Variants in TBCK observed in about 807,000 individuals in gnomAD.
The protein encoded by TBCK is TBC1 domain containing kinase.
Under a neutral mutation model 113.4 loss-of-function variants are expected in TBCK, and 99 were observed. The ratio of observed to expected loss-of-function variants is 0.87; its 90% CI spans 0.74 to 1.03. TBCK has a LOEUF of 1.03. Ranked by LOEUF, TBCK falls within the 50% of genes least tolerant of loss-of-function variation. The pLI, the probability that TBCK is intolerant of heterozygous loss-of-function variation, is 0.00. For missense variants in TBCK, 1,045 were observed against 1,061.3 expected, an observed-to-expected ratio of 0.98 and a Z score of 0.21; for synonymous variants, 369 against 370.8, an observed-to-expected ratio of 1.00 and a Z score of 0.05.
intron 3 of TBCK, among the ~76,000 whole-genome samples, chr4:106,275,473 G>T (rs1184974228): frequency 6.6e-6 from 1 of 152,002 alleles, no homozygotes; most frequent in Non-Finnish European, 1.5e-5. Flanking sequence ...GGTTAAAAAA[G>T]AAGTTGTAAA....
intron 23 of TBCK, among the ~76,000 whole-genome samples, chr4:106,154,063 G>C (rs188740188): frequency 6.6e-5 from 10 of 151,924 alleles, no homozygotes; most frequent in Non-Finnish European, 1.2e-4. Flanking sequence ...TTTACTTTCA[G>C]TATTATTGAT....
At chr4:106,314,548 A>C (rs937392556) in intron 1 of TBCK, among the ~76,000 whole-genome samples, 3 of 151,972 alleles carry the variant, frequency 2.0e-5, no homozygotes, top group Non-Finnish European at 4.4e-5. Flanking sequence ...TTTGAAGAAC[A>C]GTACTGAGAG....
intron 23 of TBCK, among the ~76,000 whole-genome samples, chr4:106,127,028 T>C (rs969024356): frequency 6.6e-6 from 1 of 151,728 alleles, no homozygotes; most frequent in Non-Finnish European, 1.5e-5. Context: ...GCCAACGTGG[T>C]GAAACCCCAT....
chr4:106,118,158 AG>A (rs1268101743), intron 23 of TBCK, among the ~76,000 whole-genome samples: 1 of 152,138 alleles, frequency 6.6e-6, no homozygotes, highest in Non-Finnish European at 1.5e-5. Context: ...CTTTTTTCTC[AG>A]TTACATTGTG....
intron 23 of TBCK, among the ~76,000 whole-genome samples, chr4:106,139,239 A>G (rs551159989): frequency 1.4e-5 from 2 of 141,492 alleles, no homozygotes; most frequent in African/African-American, 5.0e-5. Context: ...GAAAGTCTGG[A>G]GATCTGCCTC....
At chr4:106,150,795 A>C (rs576898669) in intron 23 of TBCK, among the ~76,000 whole-genome samples, 1 of 152,218 alleles carries the variant, frequency 6.6e-6, no homozygotes, top group East Asian at 1.9e-4. Flanking sequence ...TTGATGAATA[A>C]GGAACTGTGA....
intron 25 of TBCK, among the ~76,000 whole-genome samples, chr4:106,050,867 AT>A (rs1290445503): frequency 3.3e-5 from 5 of 151,932 alleles, no homozygotes; most frequent in Non-Finnish European, 7.4e-5. Context: ...AAGCTTTTGT[AT>A]TTTCACAGTT....
intron 1 of TBCK, among the ~76,000 whole-genome samples, chr4:106,313,536 A>G (rs1000180250): frequency 4.6e-5 from 7 of 152,234 alleles, no homozygotes; most frequent in Non-Finnish European, 8.8e-5. Context: ...GCCTTTTGTG[A>G]GCAAGTTTCC....
chr4:106,056,399 C>T (rs1487033371), intron 25 of TBCK, among the ~76,000 whole-genome samples: 2 of 151,056 alleles, frequency 1.3e-5, no homozygotes, highest in Non-Finnish European at 3.0e-5. Context: ...GCCACCACAC[C>T]CAGCCAAGTT....
intron 23 of TBCK, among the ~76,000 whole-genome samples, chr4:106,164,929 A>G (rs1750195743): frequency 2.0e-5 from 3 of 151,788 alleles, no homozygotes; most frequent in Admixed American, 2.0e-4. Context: ...GTAATGCAAT[A>G]AATGCTATCA....
At chr4:106,123,007 T>C (rs1744645503) in intron 23 of TBCK, among the ~76,000 whole-genome samples, 2 of 152,188 alleles carry the variant, frequency 1.3e-5, no homozygotes, top group Non-Finnish European at 2.9e-5. Flanking sequence ...TTCAACATAG[T>C]GTTGGAAGTT....
At chr4:106,054,517 A>G (rs937766028) in intron 25 of TBCK, among the ~76,000 whole-genome samples, 1 of 151,654 alleles carries the variant, frequency 6.6e-6, no homozygotes, top group Non-Finnish European at 1.5e-5. Context: ...ATCATTTATA[A>G]CCACTTTATA....
In TBCK at chr4:106,250,401, A is replaced by G. The variant is rs1268139860; in HGVS notation, c.658+17T>C. 2.7e-6 allele frequency: 4 copies of G among 1,492,914 alleles called. No individual in the cohort carries two copies. Among genetic ancestry groups the G allele is most frequent in the Non-Finnish European group, 3.7e-6 (4 of 1,086,306 alleles). The allele number at this position is 1,492,914 out of a possible 1,614,324, so 92.5% of individuals were successfully genotyped here. On this transcript the variant is annotated intron_variant, in intron 7 of 25. Coordinates refer to ENST00000394708, the MANE Select transcript of TBCK (RefSeq NM_001163435.3). Reference sequence around the variant, plus strand: ...TTATATTTATATTTGAAAGATAAGCAATTGTACGACACTTACCCAAAGTAA... The same window carrying G: ...TTATATTTATATTTGAAAGATAAGCGATTGTACGACACTTACCCAAAGTAA...
intron 3 of TBCK, among the ~76,000 whole-genome samples, chr4:106,263,627 A>G (rs1413391302): frequency 6.6e-6 from 1 of 151,922 alleles, no homozygotes; most frequent in Admixed American, 6.6e-5. Flanking sequence ...TTTACATAAA[A>G]CAGGGTAAAT....
intron 25 of TBCK, among the ~76,000 whole-genome samples, chr4:106,060,764 T>C (rs1735948055): frequency 6.6e-6 from 1 of 151,770 alleles, no homozygotes; most frequent in African/African-American, 2.4e-5. Flanking sequence ...CAAAATAAAT[T>C]GAAATCCTCT....
intron 24 of TBCK, among the ~76,000 whole-genome samples, chr4:106,111,715 A>G (rs1232729273): frequency 6.6e-6 from 1 of 152,248 alleles, no homozygotes; most frequent in African/African-American, 2.4e-5. Context: ...TTAATCATAG[A>G]ACCTGGAAAA....
chr4:106,098,524 G>A (rs1741188307), intron 24 of TBCK, among the ~76,000 whole-genome samples: 1 of 151,968 alleles, frequency 6.6e-6, no homozygotes, highest in Non-Finnish European at 1.5e-5. Context: ...TTAACTTCCA[G>A]TGTTCATAGG....
chr4:106,147,049 C>T (rs1747886121), intron 23 of TBCK, among the ~76,000 whole-genome samples: 1 of 152,194 alleles, frequency 6.6e-6, no homozygotes, highest in African/African-American at 2.4e-5. Flanking sequence ...TCAAGTTTTA[C>T]CATGAGATTA....
At chr4:106,089,862 A>G (rs1739998728) in intron 25 of TBCK, among the ~76,000 whole-genome samples, 2 of 152,212 alleles carry the variant, frequency 1.3e-5, no homozygotes, top group African/African-American at 4.8e-5. Flanking sequence ...TGGCTTTCCA[A>G]GGTGCAGCCC....
Sources: gnomAD v4.1 joint callset for allele counts (sites outside exome capture counted in the v4.1 genomes callset) on GRCh38, gnomAD v4.1.1 for gene constraint, MANE v1.5 for transcripts, NCBI Gene and HGNC (gene_info 2026-07-23, HGNC 2026-07-21) for gene names.